Variants in ANOS1 observed in about 807,000 individuals in gnomAD.
ANOS1 encodes anosmin 1, also known as anosmin-1.
In ANOS1, 6 loss-of-function variants were observed where a neutral mutation model predicts 59.0. The observed-to-expected ratio is 0.10, with a 90% CI of 0.06 to 0.20. The LOEUF (loss-of-function observed/expected upper bound fraction) is 0.20, where lower values mean the gene tolerates loss of function less well. Ranked by LOEUF, ANOS1 falls within the 10% of genes least tolerant of loss-of-function variation. ANOS1 has a pLI of 1.00. For missense variants in ANOS1, 433 were observed against 542.3 expected (o/e 0.80, Z 2.00); for synonymous variants, 217 against 223.4 (o/e 0.97, Z 0.25).
chrX:8,647,588 A>G lies in ANOS1; in HGVS notation c.256-23918T>C, dbSNP rs561822478. 3.3e-4 allele frequency among the ~76,000 whole-genome samples: 37 copies of G among 112,326 alleles called. No homozygotes were observed. The South Asian group carries it at 0.014, about 41-fold the overall frequency. ...TTGAGAGCTTTCAAACAATTCCCAC[A>G]AATCCAAACTGCTTTGAAGCATATT... On this transcript the variant is annotated intron_variant, in intron 2 of 13. Coordinates refer to ENST00000262648, the MANE Select transcript of ANOS1 (RefSeq NM_000216.4).
intron 3 of ANOS1, among the ~76,000 whole-genome samples, chrX:8,599,944 G>A (rs2077067733): frequency 8.9e-6 from 1 of 112,144 alleles, no homozygotes; most frequent in South Asian, 3.7e-4. Flanking sequence ...TTTTCCGGCA[G>A]TTAGTTCATT....
chrX:8,605,113 A>G (rs1930915399), intron 3 of ANOS1, among the ~76,000 whole-genome samples: 1 of 112,099 alleles, frequency 8.9e-6, no homozygotes, highest in South Asian at 3.7e-4. Context: ...AACCTACACA[A>G]TTTCCATTAA....
chrX:8,730,547 T>C (rs753832408), intron 1 of ANOS1, among the ~76,000 whole-genome samples: 1 of 110,004 alleles, frequency 9.1e-6, no homozygotes, highest in South Asian at 3.9e-4. Flanking sequence ...TATGGCCTCC[T>C]CTGGCAGCTT....
chrX:8,694,206 T>A (rs1198343622), intron 2 of ANOS1, among the ~76,000 whole-genome samples: 1 of 111,497 alleles, frequency 9.0e-6, no homozygotes, highest in African/African-American at 3.3e-5. Flanking sequence ...CAGACTCTAT[T>A]GGAACGAGCA....
At chrX:8,555,508 G>A (rs749860092) in intron 8 of ANOS1, among the ~76,000 whole-genome samples, 1 of 111,633 alleles carries the variant, frequency 9.0e-6, no homozygotes, top group East Asian at 2.8e-4. Flanking sequence ...AGAAAAGAGA[G>A]AAGAATCAAA....
At chrX:8,598,856 C>T (rs772514994) in intron 3 of ANOS1, among the ~76,000 whole-genome samples, 3 of 112,402 alleles carry the variant, frequency 2.7e-5, no homozygotes, top group South Asian at 3.7e-4. Flanking sequence ...TTAAATTTCA[C>T]TGTCTCTTTT....
chrX:8,636,666 T>C (rs755409232), intron 2 of ANOS1, among the ~76,000 whole-genome samples: 1 of 111,804 alleles, frequency 8.9e-6, no homozygotes, highest in South Asian at 3.8e-4. Context: ...TGTGGCTTGG[T>C]TGTCTGATAT....
intron 9 of ANOS1, among the ~76,000 whole-genome samples, chrX:8,553,159 T>C (rs1422276535): frequency 9.1e-6 from 1 of 109,319 alleles, no homozygotes; most frequent in Non-Finnish European, 1.9e-5. Flanking sequence ...GTTGAATAAA[T>C]TCTAAAAGTA....
At chrX:8,671,286 T>C (rs916787189) in intron 2 of ANOS1, among the ~76,000 whole-genome samples, 1 of 111,753 alleles carries the variant, frequency 8.9e-6, no homozygotes, top group African/African-American at 3.3e-5. Context: ...CGTGCTCTTC[T>C]CTTTAACTAG....
At chrX:8,704,402 C>A (rs1187614069) in intron 1 of ANOS1, among the ~76,000 whole-genome samples, 1 of 111,475 alleles carries the variant, frequency 9.0e-6, no homozygotes, top group African/African-American at 3.3e-5. Context: ...CAAGTGTAAA[C>A]CCTCCTGCCC....
chrX:8,599,531 C>T (rs1451372975), intron 3 of ANOS1, among the ~76,000 whole-genome samples: 1 of 111,912 alleles, frequency 8.9e-6, no homozygotes, highest in Non-Finnish European at 1.9e-5. Context: ...TATGGCTCTG[C>T]ACCATCGTGA....
At chrX:8,537,393 G>C (rs753520470) in intron 10 of ANOS1, among the ~76,000 whole-genome samples, 2 of 111,427 alleles carry the variant, frequency 1.8e-5, no homozygotes, top group East Asian at 5.6e-4. Flanking sequence ...CCCTTTTTTG[G>C]AGTGCTGTTA....
chrX:8,626,687 GTC>G (rs755270004), intron 2 of ANOS1, among the ~76,000 whole-genome samples: 1 of 109,194 alleles, frequency 9.2e-6, no homozygotes, highest in Non-Finnish European at 1.9e-5. Flanking sequence ...GTGAAACCCT[GTC>G]TCTACTAAAA....
rs142041456 is a variant in ANOS1 at position 8,587,616 on chromosome X, G to A, written c.726+178C>T. 8.4e-3 allele frequency among the ~76,000 whole-genome samples: 943 copies of A among 111,659 alleles called. 19 individuals are homozygous for A. The highest frequency in any genetic ancestry group is 0.029 in the African/African-American group (890 of 30,772). ...AATGGTCGAGTTTCCGAGCACATTC[G>A]TTTGTATCTATGAACCTCATCCTCT... On this transcript the variant is annotated intron_variant, in intron 5 of 13. Coordinates refer to ENST00000262648, the MANE Select transcript of ANOS1 (RefSeq NM_000216.4).
At chrX:8,566,612 T>A (rs1930118712) in intron 8 of ANOS1, among the ~76,000 whole-genome samples, 1 of 110,897 alleles carries the variant, frequency 9.0e-6, no homozygotes, top group Non-Finnish European at 1.9e-5. Context: ...ATGCGATGGG[T>A]AGATGGATGA....
chrX:8,567,303 T>TA (rs775739886), intron 8 of ANOS1, among the ~76,000 whole-genome samples: 1 of 111,575 alleles, frequency 9.0e-6, no homozygotes, highest in Non-Finnish European at 1.9e-5. Flanking sequence ...AATGGAGTAT[T>TA]AAGTAACCTT....
At chrX:8,607,416 C>T (rs896622829) in intron 3 of ANOS1, among the ~76,000 whole-genome samples, 1 of 111,881 alleles carries the variant, frequency 8.9e-6, no homozygotes, top group African/African-American at 3.2e-5. Context: ...CACTTTTCTA[C>T]AAGTACATAC....
At chrX:8,682,471 G>A (rs1423127986) in intron 2 of ANOS1, among the ~76,000 whole-genome samples, 2 of 110,840 alleles carry the variant, frequency 1.8e-5, no homozygotes, top group African/African-American at 6.6e-5. Flanking sequence ...TTCAAGACCC[G>A]TGGGATGCAT....
chrX:8,576,178 G>C (rs1930317798), intron 6 of ANOS1, among the ~76,000 whole-genome samples: 1 of 110,572 alleles, frequency 9.0e-6, no homozygotes, highest in Non-Finnish European at 1.9e-5. Context: ...TTGTTGCCGT[G>C]ATTCTCCTCT....
Sources: allele counts gnomAD v4.1 joint callset (sites outside exome capture counted in the v4.1 genomes callset), GRCh38; gene constraint gnomAD v4.1.1; transcripts MANE v1.5; gene names NCBI Gene and HGNC (gene_info 2026-07-23, HGNC 2026-07-21).